Variants in RBM20 observed in about 807,000 individuals in gnomAD.
The protein encoded by RBM20 is RNA-binding protein 20.
In RBM20, 51 loss-of-function variants were observed where a neutral mutation model predicts 110.1. That is an observed-to-expected ratio of 0.46 (90% CI 0.37 to 0.59). The LOEUF (loss-of-function observed/expected upper bound fraction) is 0.59, where lower values mean the gene tolerates loss of function less well. RBM20 is among the 20% of genes least tolerant of loss of function. The probability of loss-of-function intolerance (pLI) is 0.00; values close to 1 mark genes in which losing one functional copy is unlikely to be tolerated. For missense variants in RBM20, 1,512 were observed against 1,574.9 expected, an observed-to-expected ratio of 0.96 and a Z score of 0.68; for synonymous variants, 589 against 618.2, an observed-to-expected ratio of 0.95 and a Z score of 0.70.
intron 1 of RBM20, among the ~76,000 whole-genome samples, chr10:110,731,912 C>G (rs1372401606): frequency 6.6e-6 from 1 of 152,176 alleles, no homozygotes; most frequent in Non-Finnish European, 1.5e-5. Context: ...AAAATCCTTA[C>G]CCTTGCATTT....
chr10:110,652,686 G>A (rs1445709683), intron 1 of RBM20, among the ~76,000 whole-genome samples: 1 of 152,186 alleles, frequency 6.6e-6, no homozygotes, highest in Non-Finnish European at 1.5e-5. Flanking sequence ...CAAGTGAATT[G>A]TTGAAGGTCA....
At chr10:110,821,194 T>C in intron 10 of RBM20, 81 bp from the exon 11 acceptor site, 1 of 1,153,350 alleles carries the variant, frequency 8.7e-7, no homozygotes, top group Non-Finnish European at 1.2e-6. Context: ...CTGATTTGAG[T>C]GGTCCTTATG....
At chr10:110,797,410 T>A in intron 5 of RBM20, 98 bp from the exon 6 acceptor site, 1 of 1,206,918 alleles carries the variant, frequency 8.3e-7, no homozygotes, top group Non-Finnish European at 1.1e-6. Context: ...AGTTTTACAA[T>A]CATTGTTTAG....
chr10:110,807,276 AC>A (rs1844706350), intron 7 of RBM20, among the ~76,000 whole-genome samples: 1 of 152,040 alleles, frequency 6.6e-6, no homozygotes, highest in Non-Finnish European at 1.5e-5. Flanking sequence ...GATAGAAGTA[AC>A]TCCAGGAGGT....
intron 13 of RBM20, among the ~76,000 whole-genome samples, chr10:110,831,852 C>T (rs1390597686): frequency 6.6e-6 from 1 of 151,778 alleles, no homozygotes; most frequent in Non-Finnish European, 1.5e-5. Context: ...ATGTAGGTGA[C>T]AAGCAATAAA....
intron 1 of RBM20, among the ~76,000 whole-genome samples, chr10:110,700,333 G>A (rs1203768762): frequency 6.6e-6 from 1 of 152,194 alleles, no homozygotes; most frequent in East Asian, 1.9e-4. Flanking sequence ...AGGATACAGA[G>A]ACCTAGAGGT....
Position 110,781,313 on chromosome 10 carries a change from G to T in RBM20, c.704G>T (p.Ser235Ile), listed in dbSNP as rs1303400859. Residue 235 changes from serine (S) to isoleucine (I), a missense_variant, in exon 2 of 14, where the codon AGC (serine) becomes ATC (isoleucine). Around this residue, in one of 3 missense-constraint regions of RBM20, gnomAD observed 1,149 missense variants for 1,169.4 expected, o/e 0.98. Coordinates refer to ENST00000369519, the MANE Select transcript of RBM20 (RefSeq NM_001134363.3). ...TAGFYEYGKA[S>I]SGQTYGPETD... is the part of the protein sequence containing the mutation. ...GGATTCTATGAGTATGGCAAAGCCA[G>T]CTCTGGCCAGACATATGGCCCTGAA... 12 of 1,551,596 alleles carry T rather than the reference G, an allele frequency of 7.7e-6. No individual in the cohort carries two copies. The East Asian group carries it at 2.9e-4, about 38-fold the overall frequency.
chr10:110,807,345 G>T (rs1844707337), intron 7 of RBM20, among the ~76,000 whole-genome samples: 2 of 152,210 alleles, frequency 1.3e-5, no homozygotes, highest in African/African-American at 4.8e-5. Flanking sequence ...AGGGGCAGAG[G>T]AATGTTTAAG....
intron 8 of RBM20, among the ~76,000 whole-genome samples, chr10:110,811,504 C>T (rs553399893): frequency 1.3e-3 from 198 of 152,108 alleles, no homozygotes; most frequent in Non-Finnish European, 1.7e-3. Flanking sequence ...TTTTTAAAGA[C>T]GTGTAAAGCC....
intron 1 of RBM20, among the ~76,000 whole-genome samples, chr10:110,725,347 C>T (rs1160982787): frequency 6.6e-6 from 1 of 152,180 alleles, no homozygotes; most frequent in Non-Finnish European, 1.5e-5. Flanking sequence ...TCCATGGACC[C>T]TTGTGGGGGA....
chr10:110,699,241 TAA>T (rs141746821), intron 1 of RBM20, among the ~76,000 whole-genome samples: 1 of 139,332 alleles, frequency 7.2e-6, no homozygotes. Flanking sequence ...AGGGCATCTT[TAA>T]AAAAAAAAAG....
intron 1 of RBM20, among the ~76,000 whole-genome samples, chr10:110,706,383 G>T (rs887903686): frequency 6.6e-6 from 1 of 152,356 alleles, no homozygotes; most frequent in African/African-American, 2.4e-5. Context: ...CACCTGGAAT[G>T]GGCAATATCT....
chr10:110,743,663 C>G (rs983382331), intron 1 of RBM20, among the ~76,000 whole-genome samples: 3 of 152,178 alleles, frequency 2.0e-5, no homozygotes, highest in Non-Finnish European at 2.9e-5. Context: ...GTTGCCCAGG[C>G]TGGAGTGCAG....
intron 12 of RBM20, among the ~76,000 whole-genome samples, chr10:110,825,787 C>T (rs1844973943): frequency 6.6e-6 from 1 of 152,194 alleles, no homozygotes; most frequent in Non-Finnish European, 1.5e-5. Flanking sequence ...GGCACCATCC[C>T]TAGGGATCTG....
chr10:110,810,837 A>ATG (rs1436525024), intron 8 of RBM20, among the ~76,000 whole-genome samples: 14 of 121,762 alleles, frequency 1.1e-4, no homozygotes, highest in Admixed American at 5.5e-4. Context: ...GTGTGTGTGC[A>ATG]TGTGTGTGCG....
At chr10:110,707,731 T>C (rs1213681255) in intron 1 of RBM20, among the ~76,000 whole-genome samples, 2 of 152,064 alleles carry the variant, frequency 1.3e-5, no homozygotes, top group Non-Finnish European at 2.9e-5. Flanking sequence ...TCATAGAGAG[T>C]AAAATGATGG....
chr10:110,661,540 C>T (rs182303914), intron 1 of RBM20, among the ~76,000 whole-genome samples: 32 of 152,292 alleles, frequency 2.1e-4, no homozygotes, highest in Non-Finnish European at 2.9e-4. Flanking sequence ...CAATACTATT[C>T]GGACCATCTC....
chr10:110,683,965 G>GT (rs1277153600), intron 1 of RBM20, among the ~76,000 whole-genome samples: 2 of 152,206 alleles, frequency 1.3e-5, no homozygotes, highest in Non-Finnish European at 2.9e-5. Flanking sequence ...TAAGAACAGA[G>GT]TTGTATGCCT....
Position 110,781,788 on chromosome 10 carries a change from C to A in RBM20, c.1179C>A (p.Pro393=). 6.4e-7 allele frequency: 1 copy of A among 1,551,816 alleles called. No homozygotes were observed. The highest frequency in any genetic ancestry group is 8.7e-7 in the Non-Finnish European group (1 of 1,147,016). Residue 393 remains proline (P), a synonymous_variant, in exon 2 of 14, where the codon CCC becomes CCA. Transcript: ENST00000369519. ...ACCAGGCGTTGCTATCTGTGCGGCC[C>A]CTGCAGGCTCATGAGCTGAACGACT... ...KEDQALLSVR[P]LQAHELNDFH... is the part of the protein sequence containing the mutation.
Sources: allele counts gnomAD v4.1 joint callset (sites outside exome capture counted in the v4.1 genomes callset), GRCh38; gene constraint gnomAD v4.1.1; regional missense constraint gnomAD v4.1.1; transcripts MANE v1.5; gene names NCBI Gene and HGNC (gene_info 2026-07-23, HGNC 2026-07-21).